DGKZ: variants seen among roughly 807,000 people sequenced by gnomAD.
The protein encoded by DGKZ is DAG kinase zeta.
Under a neutral mutation model 142.5 loss-of-function variants are expected in DGKZ, and 45 were observed. The observed-to-expected ratio is 0.32, with a 90% CI of 0.25 to 0.40. DGKZ has a LOEUF of 0.40. Ranked by LOEUF, DGKZ falls within the 10% of genes least tolerant of loss-of-function variation. DGKZ has a pLI of 1.00. For synonymous variants in DGKZ, 442 were observed against 527.0 expected, an observed-to-expected ratio of 0.84 and a Z score of 2.21; for missense variants, 755 against 1,306.5, an observed-to-expected ratio of 0.58 and a Z score of 6.51.
chr11:46,337,456 G>A (rs528298198), intron 1 of DGKZ, among the ~76,000 whole-genome samples: 201 of 151,704 alleles, frequency 1.3e-3, no homozygotes, highest in Non-Finnish European at 8.5e-4. Context: ...CCACCACGCC[G>A]GGCTAATTTT....
Position 46,347,468 on chromosome 11 carries a change from T to G in DGKZ, c.-192T>G, listed in dbSNP as rs1291795160. 2 of 981,978 alleles carry G rather than the reference T, an allele frequency of 2.0e-6. No individual in the cohort carries two copies. Among genetic ancestry groups the G allele is most frequent in the Non-Finnish European group, 2.4e-6 (2 of 828,666 alleles). The allele number at this position is 981,978 out of a possible 1,614,324, so 60.8% of individuals were successfully genotyped here. On this transcript the variant is annotated 5_prime_UTR_variant, in exon 1 of 31. Coordinates refer to ENST00000527911, the Ensembl canonical transcript of DGKZ. The surrounding 1 kb of genome is among the most constrained non-coding windows in gnomAD (Gnocchi z 6.4). ...GTCCTGCGGCCGCGGCTGGCGGCACTTCCTGGAGCGGCGGCGGCAGCGGCT... is the reference window on the plus strand; with the variant it reads ...GTCCTGCGGCCGCGGCTGGCGGCACGTCCTGGAGCGGCGGCGGCAGCGGCT...
chr11:46,361,680 C>T, intron 1 of DGKZ: 3 of 985,536 alleles, frequency 3.0e-6, no homozygotes, highest in East Asian at 1.1e-4. Context: ...ACCCCAGCTC[C>T]CACCTGCGCC....
At chr11:46,356,246 A>C (rs1942014833) in intron 1 of DGKZ, among the ~76,000 whole-genome samples, 1 of 152,108 alleles carries the variant, frequency 6.6e-6, no homozygotes, top group Non-Finnish European at 1.5e-5. Context: ...GATCGGTTTC[A>C]GTGTTGCCTC....
rs539888908 is a variant in DGKZ, at chr11:46,367,975, CA to C, written c.367-26del. Reference sequence around the variant, plus strand: ...TCCGAGATAGACTTACCTGGTGCCTCAGGGGCCCTCTCTTCCTGTCCTGCAG... The same window carrying C: ...TCCGAGATAGACTTACCTGGTGCCTCGGGGCCCTCTCTTCCTGTCCTGCAG... On this transcript the variant is annotated intron_variant, in intron 3 of 30. Transcript: ENST00000527911. This position sits in a 1 kb window ranked among gnomAD's most constrained non-coding sequence, Gnocchi z 4.1. 85 of 1,613,338 alleles carry C rather than the reference CA, an allele frequency of 5.3e-5. No individual in the cohort carries two copies. The East Asian group carries it at 1.9e-3, about 36-fold the overall frequency.
rs1943272394 is a variant in DGKZ at position 46,366,491 on chromosome 11, C to T, written c.162-800C>T. The T allele has an allele frequency of 6.3e-7, 1 of 1,579,812 alleles. No homozygotes were observed. The highest frequency in any genetic ancestry group is 8.6e-7 in the Non-Finnish European group (1 of 1,163,354). Reference sequence around the variant, plus strand: ...CAGCCGCCGGCGCTCCAGCACTGTGCCCCCTTCCTGCAACCCCCGCTTCAT... The same window carrying T: ...CAGCCGCCGGCGCTCCAGCACTGTGTCCCCTTCCTGCAACCCCCGCTTCAT... On this transcript the variant is annotated intron_variant, in intron 1 of 30. Coordinates refer to ENST00000527911, the Ensembl canonical transcript of DGKZ.
chr11:46,379,734 T>C, intron 30 of DGKZ, 97 bp from the exon 31 acceptor site: 1 of 1,367,204 alleles, frequency 7.3e-7, no homozygotes, highest in Non-Finnish European at 9.9e-7. Context: ...CCTCCCTCCC[T>C]GACCAGGCCA....
At chr11:46,348,225 G>A (rs1565002222) in intron 1 of DGKZ, among the ~76,000 whole-genome samples, 1 of 152,278 alleles carries the variant, frequency 6.6e-6, no homozygotes, top group South Asian at 2.1e-4. Flanking sequence ...GGGCCTCTCT[G>A]AGCCTCCTGG....
rs901012372 is a variant in DGKZ at position 46,365,554 on chromosome 11, T to C, written c.162-1737T>C. The C allele has an allele frequency of 6.1e-6, 6 of 985,296 alleles. No individual in the cohort carries two copies. The Admixed American group carries it at 3.7e-4, about 61-fold the overall frequency. The allele number at this position is 985,296 out of a possible 1,614,324, so 61.0% of individuals were successfully genotyped here. A position where few individuals can be genotyped will look rare whatever the true frequency, so the allele number is the denominator to read the frequency against. On this transcript the variant is annotated intron_variant, in intron 1 of 30. Transcript: ENST00000527911. The stretch of plus-strand genomic sequence containing the variant: ...GAGAGCCAGACAGTGACTCTCCAGT[T>C]CCCTGAGACCTGGTCTCCCCTGAGC...
chr11:46,373,699 T>C (rs952888741), intron 14 of DGKZ, among the ~76,000 whole-genome samples: 2 of 152,252 alleles, frequency 1.3e-5, no homozygotes, highest in African/African-American at 4.8e-5. Context: ...GGTCTCACCA[T>C]GTTGGTCAGC....
chr11:46,357,350 G>A (rs548649122), intron 1 of DGKZ, among the ~76,000 whole-genome samples: 28 of 152,246 alleles, frequency 1.8e-4, no homozygotes, highest in Admixed American at 1.5e-3. Context: ...AACATGGAGC[G>A]GGCGATAGCA....
chr11:46,355,453 G>A (rs1941903895), intron 1 of DGKZ, among the ~76,000 whole-genome samples: 1 of 152,178 alleles, frequency 6.6e-6, no homozygotes, highest in Admixed American at 6.5e-5. Context: ...TTGTTTCCCA[G>A]GAACAAACAC....
intron 1 of DGKZ, among the ~76,000 whole-genome samples, chr11:46,362,493 G>A (rs1332990217): frequency 6.6e-6 from 1 of 152,176 alleles, no homozygotes; most frequent in African/African-American, 2.4e-5. Context: ...ACATGCTCTG[G>A]TGTCTATGGT....
At chr11:46,345,027 C>G (rs1474999468), upstream of DGKZ, among the ~76,000 whole-genome samples, 2 of 152,194 alleles carry the variant, frequency 1.3e-5, no homozygotes, top group East Asian at 3.9e-4. The surrounding 1 kb of genome is among the most constrained non-coding windows in gnomAD (Gnocchi z 4.1). Flanking sequence ...CACAGAAGTG[C>G]TAGGAAGAGA....
chr11:46,378,543 C>G (rs368086092), intron 27 of DGKZ, 43 bp downstream of exon 27: 1 of 1,612,660 alleles, frequency 6.2e-7, no homozygotes, highest in South Asian at 1.1e-5. Context: ...GCAGCTCCCT[C>G]GGGCCCTGGG....
chr11:46,378,956 A>C (rs2136521605), intron 27 of DGKZ, 35 bp from the exon 28 acceptor site: 1 of 1,507,276 alleles, frequency 6.6e-7, no homozygotes, highest in Admixed American at 2.1e-5. Context: ...GGGTGGCCCC[A>C]GGAGGTCCAG....
chr11:46,376,530 C>G, exon 24 of DGKZ: 1 of 1,613,834 alleles, frequency 6.2e-7, no homozygotes, highest in Non-Finnish European at 8.5e-7. Flanking sequence ...ACAGCCACCA[C>G]TGCCAGCCGC....
At chr11:46,379,262 G>T (rs774861234) in intron 29 of DGKZ, 26 bp downstream of exon 29, 12 of 1,612,844 alleles carry the variant, frequency 7.4e-6, no homozygotes, top group Non-Finnish European at 1.0e-5. Context: ...GTGCAGAACC[G>T]TGGTCACCCC....
chr11:46,368,256 AT>A (rs1943553123), intron 4 of DGKZ, 177 bp downstream of exon 4: 1 of 711,240 alleles, frequency 1.4e-6, no homozygotes, highest in Non-Finnish European at 2.5e-6. Context: ...CTCCTCACTG[AT>A]TAGCTGCTGT....
chr11:46,345,715 G>C, upstream of DGKZ: 1 of 920,906 alleles, frequency 1.1e-6, no homozygotes, highest in East Asian at 3.3e-5. The surrounding 1 kb of genome is among the most constrained non-coding windows in gnomAD (Gnocchi z 4.1). Context: ...GCACAGAGTA[G>C]GGCAAAGGAG....
Sources: gnomAD v4.1 joint callset for allele counts (sites outside exome capture counted in the v4.1 genomes callset) on GRCh38, gnomAD v4.1.1 for gene constraint, Gnocchi (gnomAD v3.1) non-coding constraint, MANE v1.5 for transcripts, NCBI Gene and HGNC (gene_info 2026-07-23, HGNC 2026-07-21) for gene names.